FAM193A: variants seen among roughly 807,000 people sequenced by gnomAD.
FAM193A encodes the protein family with sequence similarity 193 member A, also known as protein FAM193A.
Under a neutral mutation model 126.5 loss-of-function variants are expected in FAM193A, and 22 were observed. The observed-to-expected ratio is 0.17, with a 90% CI of 0.12 to 0.25. The LOEUF is 0.25. Ranked by LOEUF, FAM193A falls within the 10% of genes least tolerant of loss-of-function variation. The probability of loss-of-function intolerance (pLI) is 1.00; values close to 1 mark genes in which losing one functional copy is unlikely to be tolerated. For synonymous variants in FAM193A, 761 were observed against 646.8 expected, an observed-to-expected ratio of 1.18 and a Z score of -2.68; for missense variants, 1,675 against 1,672.8, an observed-to-expected ratio of 1.00 and a Z score of -0.02.
intron 1 of FAM193A, among the ~76,000 whole-genome samples, chr4:2,546,510 A>G (rs1322537071): frequency 6.6e-6 from 1 of 152,200 alleles, no homozygotes; most frequent in Non-Finnish European, 1.5e-5. Context: ...GGACTCATAC[A>G]GTCCATTTAT....
At chr4:2,617,561 GC>G (rs1241544217) in intron 2 of FAM193A, among the ~76,000 whole-genome samples, 2 of 151,702 alleles carry the variant, frequency 1.3e-5, no homozygotes, top group Non-Finnish European at 2.9e-5. Flanking sequence ...ACCGCGTCTG[GC>G]CTATGAATAT....
At chr4:2,636,089 C>CA (rs1380166633) in intron 5 of FAM193A, among the ~76,000 whole-genome samples, 15 of 147,664 alleles carry the variant, frequency 1.0e-4, no homozygotes, top group Admixed American at 3.4e-4. Context: ...CACTCTGTCT[C>CA]AAAAAAAAAT....
At chr4:2,720,085 G>GTGCTCTGTTTAAAAA in intron 20 of FAM193A, 1 of 156,646 alleles carries the variant, frequency 6.4e-6, no homozygotes, top group South Asian at 1.7e-4. Context: ...GTGAGCCCCC[G>GTGCTCTGTTTAAAAA]CACCCAGCTA....
chr4:2,649,197 G>A (rs1244992898), intron 7 of FAM193A, among the ~76,000 whole-genome samples: 1 of 151,692 alleles, frequency 6.6e-6, no homozygotes, highest in Non-Finnish European at 1.5e-5. Context: ...AACATAGTGA[G>A]ACCTTGTCTC....
intron 7 of FAM193A, among the ~76,000 whole-genome samples, chr4:2,653,414 CT>C (rs1220616338): frequency 1.3e-5 from 2 of 152,084 alleles, no homozygotes. Context: ...AAACCAGTCT[CT>C]TCACTAAAGC....
At chr4:2,728,358 C>T (rs1289312284) in intron 20 of FAM193A, among the ~76,000 whole-genome samples, 1 of 149,362 alleles carries the variant, frequency 6.7e-6, no homozygotes, top group Non-Finnish European at 1.5e-5. Context: ...GCATGAACTA[C>T]CTCCCCAGCC....
chr4:2,630,528 G>A (rs1190891722), intron 4 of FAM193A, among the ~76,000 whole-genome samples: 4 of 152,166 alleles, frequency 2.6e-5, no homozygotes, highest in East Asian at 1.9e-4. Context: ...CCCCAGCCTC[G>A]TGTCTGAGCA....
chr4:2,596,133 G>T lies in FAM193A; in HGVS notation c.305G>T (p.Gly102Val). The part of the protein sequence containing the change: ...MNHRTPPYPA[G>V]DYCLLCRSER... ...CATAGGACACCACCCTACCCTGCTG[G>T]GGATTATTGTCTTCTGTGCAGAAGT... The change falls in exon 2 of 21, where the codon GGG becomes GTG. Residue 102 changes from glycine to valine, a missense_variant. By Grantham distance (109) the Gly-to-Val change is moderately radical (BLOSUM62 -3). This residue lies in a region of FAM193A where 1,186 missense variants were observed against 1,109.2 expected (regional missense o/e 1.07). Coordinates refer to ENST00000637812, the MANE Select transcript of FAM193A (RefSeq NM_001366318.2). 1.4e-6 allele frequency: 1 copy of T among 702,902 alleles called. No individual in the cohort carries two copies. The highest frequency in any genetic ancestry group is 2.6e-6 in the Non-Finnish European group (1 of 384,996). The allele number at this position is 702,902 out of a possible 1,614,324, so 43.5% of individuals were successfully genotyped here.
intron 2 of FAM193A, among the ~76,000 whole-genome samples, chr4:2,610,807 G>C (rs1034716830): frequency 6.6e-6 from 1 of 151,934 alleles, no homozygotes; most frequent in Non-Finnish European, 1.5e-5. Context: ...GCGCGATCTC[G>C]GCTCACCGCA....
At chr4:2,560,411 C>T (rs1335010863) in intron 1 of FAM193A, among the ~76,000 whole-genome samples, 1 of 152,192 alleles carries the variant, frequency 6.6e-6, no homozygotes, top group Non-Finnish European at 1.5e-5. Context: ...GGCCACACCA[C>T]TTAGACTGGA....
intron 2 of FAM193A, among the ~76,000 whole-genome samples, chr4:2,620,540 T>A (rs1407401132): frequency 1.3e-5 from 2 of 151,986 alleles, no homozygotes; most frequent in Non-Finnish European, 2.9e-5. Context: ...ACAAACACAT[T>A]TTTAACATAA....
Position 2,689,495 on chromosome 4 carries a change from T to C in FAM193A, c.2332-11T>C, listed in dbSNP as rs1716119079. The stretch of plus-strand genomic sequence containing the variant: ...AATTTTGATATGTGATTAGAAAATT[T>C]TTTTTTGTAGGCTTTACCGCCAGCA... On this transcript the variant is annotated splice_polypyrimidine_tract_variant and intron_variant, in intron 13 of 20. Transcript: ENST00000637812. 1.9e-6 allele frequency: 3 copies of C among 1,549,292 alleles called. No homozygotes were observed. Among genetic ancestry groups the C allele is most frequent in the Non-Finnish European group, 2.6e-6 (3 of 1,160,070 alleles).
chr4:2,699,164 C>G (rs990914159), intron 18 of FAM193A, among the ~76,000 whole-genome samples: 25 of 152,212 alleles, frequency 1.6e-4, no homozygotes, highest in African/African-American at 6.0e-4. Flanking sequence ...GCCTGGTACA[C>G]ATTTCTTACA....
intron 13 of FAM193A, among the ~76,000 whole-genome samples, chr4:2,686,352 T>G (rs971825384): frequency 6.6e-6 from 1 of 152,214 alleles, no homozygotes; most frequent in African/African-American, 2.4e-5. Context: ...CAAACACTTA[T>G]TGAACACCCA....
chr4:2,676,786 A>C (rs1714456639), intron 13 of FAM193A, among the ~76,000 whole-genome samples: 1 of 151,926 alleles, frequency 6.6e-6, no homozygotes, highest in Non-Finnish European at 1.5e-5. Flanking sequence ...ACTAAAAATA[A>C]AAAAATTAGC....
chr4:2,658,488 A>C (rs1158506496), intron 8 of FAM193A, among the ~76,000 whole-genome samples: 2 of 151,998 alleles, frequency 1.3e-5, no homozygotes, highest in Non-Finnish European at 2.9e-5. Flanking sequence ...CTTCATCTGG[A>C]AACTTGGCTT....
chr4:2,623,126 C>T (rs964577538), intron 2 of FAM193A, among the ~76,000 whole-genome samples: 2 of 152,000 alleles, frequency 1.3e-5, no homozygotes, highest in Admixed American at 6.6e-5. Context: ...CAGGATGACA[C>T]AAGCTCTTAC....
At chr4:2,536,609 C>T (rs1736885210), upstream of FAM193A, 3 of 149,726 alleles carry the variant, frequency 2.0e-5, no homozygotes, top group Admixed American at 2.0e-4. Context: ...CCCTCCCCCT[C>T]CCCGCTGCTC....
chr4:2,539,738 T>C (rs760836279), intron 1 of FAM193A, among the ~76,000 whole-genome samples: 1 of 152,122 alleles, frequency 6.6e-6, no homozygotes, highest in East Asian at 1.9e-4. Flanking sequence ...CCCACTCTTA[T>C]GACCCACTCC....
Sources: allele counts gnomAD v4.1 joint callset (sites outside exome capture counted in the v4.1 genomes callset), GRCh38; gene constraint gnomAD v4.1.1; regional missense constraint gnomAD v4.1.1; transcripts MANE v1.5; gene names NCBI Gene and HGNC (gene_info 2026-07-23, HGNC 2026-07-21).